Variants in GUCY1A2 observed in about 807,000 individuals in gnomAD.
GUCY1A2 encodes guanylate cyclase soluble subunit alpha-2.
A neutral mutation model predicts 63.5 loss-of-function variants in GUCY1A2; 27 were observed. The ratio of observed to expected loss-of-function variants is 0.43; its 90% CI spans 0.31 to 0.59. GUCY1A2 has a LOEUF of 0.59. GUCY1A2 is among the 20% of genes least tolerant of loss of function. The probability of loss-of-function intolerance (pLI) is 0.11; values close to 1 mark genes in which losing one functional copy is unlikely to be tolerated. For missense variants in GUCY1A2, 768 were observed against 913.3 expected (o/e 0.84, Z 2.05); for synonymous variants, 364 against 343.5 (o/e 1.06, Z -0.66).
rs142696188 is a variant in GUCY1A2 at position 106,863,920 on chromosome 11, A to G, written c.1207-53442T>C. Among the ~76,000 whole-genome samples, 80 of 152,102 alleles carry G rather than the reference A, an allele frequency of 5.3e-4. 1 individual carries two copies. The East Asian group carries it at 0.013, about 25-fold the overall frequency. ...AATTGTGAATGGGAGTTCACTCATG[A>G]TTTGGCTGTCTATTACTGGTATATA... On this transcript the variant is annotated intron_variant, in intron 4 of 7. Coordinates refer to ENST00000526355, the MANE Select transcript of GUCY1A2 (RefSeq NM_000855.3).
At chr11:106,714,549 A>C (rs1462744273) in intron 6 of GUCY1A2, among the ~76,000 whole-genome samples, 1 of 152,200 alleles carries the variant, frequency 6.6e-6, no homozygotes, top group Admixed American at 6.5e-5. Flanking sequence ...ACTATCAATG[A>C]GGGCTTTACA....
At chr11:106,818,892 C>T (rs11211933) in intron 4 of GUCY1A2, among the ~76,000 whole-genome samples, 25,231 of 152,074 alleles carry the variant, frequency 0.17, 2,448 homozygotes, top group East Asian at 0.28. Context: ...GGCCTTAGAT[C>T]TCTAATTCTA....
At chr11:106,886,650 T>A (rs1859904320) in intron 4 of GUCY1A2, among the ~76,000 whole-genome samples, 1 of 152,158 alleles carries the variant, frequency 6.6e-6, no homozygotes, top group Non-Finnish European at 1.5e-5. Context: ...TTTGTTCATG[T>A]TTAATTTGAA....
chr11:106,722,772 C>CAAAG, intron 6 of GUCY1A2, among the ~76,000 whole-genome samples: 1 of 140,854 alleles, frequency 7.1e-6, no homozygotes, highest in East Asian at 2.0e-4. Context: ...AAATAGTCAT[C>CAAAG]AAAGACCAGT....
At chr11:106,992,279 C>G (rs558704517) in intron 1 of GUCY1A2, among the ~76,000 whole-genome samples, 51 of 150,836 alleles carry the variant, frequency 3.4e-4, no homozygotes, top group African/African-American at 1.2e-3. Flanking sequence ...TGTTCACCCT[C>G]ACGTGACGAA....
At chr11:107,007,794 T>A (rs558441016) in intron 1 of GUCY1A2, among the ~76,000 whole-genome samples, 2 of 152,230 alleles carry the variant, frequency 1.3e-5, no homozygotes, top group South Asian at 4.1e-4. Context: ...GTTTGTAGAA[T>A]TGTATTTAAT....
chr11:106,781,816 C>A (rs1410281580), intron 5 of GUCY1A2, among the ~76,000 whole-genome samples: 3 of 152,012 alleles, frequency 2.0e-5, no homozygotes, highest in Non-Finnish European at 2.9e-5. Context: ...GATTTGTGCA[C>A]CTCAGCCTCC....
chr11:106,903,705 G>C (rs1366118575), intron 4 of GUCY1A2, among the ~76,000 whole-genome samples: 1 of 152,158 alleles, frequency 6.6e-6, no homozygotes, highest in Non-Finnish European at 1.5e-5. Context: ...CAAGGGCAGG[G>C]AAGATGATAG....
intron 6 of GUCY1A2, among the ~76,000 whole-genome samples, chr11:106,710,826 C>G (rs896663705): frequency 6.6e-6 from 1 of 151,838 alleles, no homozygotes. Flanking sequence ...AGGGAGGAAA[C>G]CTGACCCCTA....
At chr11:107,004,063 T>C in intron 1 of GUCY1A2, among the ~76,000 whole-genome samples, 1 of 152,068 alleles carries the variant, frequency 6.6e-6, no homozygotes, top group Non-Finnish European at 1.5e-5. Flanking sequence ...GCAAGGCCCC[T>C]CTCCTCAGGC....
chr11:106,939,429 C>T, intron 4 of GUCY1A2, 31 bp downstream of exon 4: 1 of 1,061,900 alleles, frequency 9.4e-7, no homozygotes, highest in Non-Finnish European at 1.4e-6. Context: ...TCTTCTAGTT[C>T]CCATCACCAT....
At chr11:106,696,691 T>A (rs575299682) in intron 7 of GUCY1A2, among the ~76,000 whole-genome samples, 222 of 152,238 alleles carry the variant, frequency 1.5e-3, no homozygotes, top group Admixed American at 3.1e-3. Flanking sequence ...AGGAAAATAT[T>A]TGGAGGCTAA....
chr11:106,862,829 A>C (rs1335145068), intron 4 of GUCY1A2, among the ~76,000 whole-genome samples: 1 of 152,080 alleles, frequency 6.6e-6, no homozygotes, highest in Non-Finnish European at 1.5e-5. Context: ...ATTAGGACAA[A>C]AATCCTGGGA....
At position 106,938,351 on chromosome 11, in the gene GUCY1A2, C is replaced by T. The variant is rs561492397; in HGVS notation, c.1206+1109G>A. Among the ~76,000 whole-genome samples the T allele has an allele frequency of 3.7e-4, 56 of 152,246 alleles. No individual in the cohort carries two copies. In the South Asian group the frequency reaches 4.1e-3, roughly 11 times the overall value. On this transcript the variant is annotated intron_variant, in intron 4 of 7. Coordinates refer to ENST00000526355, the MANE Select transcript of GUCY1A2 (RefSeq NM_000855.3). The stretch of plus-strand genomic sequence containing the variant: ...ATAAAATCCTCAAAAACAAGTTAAG[C>T]GCTGCTTTCAGAGGGCTATTTCCTC...
chr11:106,871,961 T>A lies in GUCY1A2; in HGVS notation c.1207-61483A>T, dbSNP rs138413662. 3.3e-3 allele frequency among the ~76,000 whole-genome samples: 497 copies of A among 152,352 alleles called. 1 individual carries two copies. Among genetic ancestry groups the A allele is most frequent in the Non-Finnish European group, 6.1e-3 (418 of 68,032 alleles). ...ATTCTGCATATTACCAGCCTTGACG[T>A]GTGTTCTATAGTGCTCTGCTGTAGA... On this transcript the variant is annotated intron_variant, in intron 4 of 7. Coordinates refer to ENST00000526355, the MANE Select transcript of GUCY1A2 (RefSeq NM_000855.3).
At chr11:106,945,581 T>C (rs942966469) in intron 3 of GUCY1A2, among the ~76,000 whole-genome samples, 1 of 152,202 alleles carries the variant, frequency 6.6e-6, no homozygotes, top group African/African-American at 2.4e-5. Context: ...TGTACATACA[T>C]ACAAATGTCC....
At chr11:106,829,347 C>G (rs1054131401) in intron 4 of GUCY1A2, among the ~76,000 whole-genome samples, 4 of 152,080 alleles carry the variant, frequency 2.6e-5, no homozygotes, top group Non-Finnish European at 4.4e-5. Context: ...TCTTTCCATA[C>G]ATGGTGTGGA....
At chr11:106,796,619 T>A (rs932662894) in intron 5 of GUCY1A2, among the ~76,000 whole-genome samples, 2 of 152,206 alleles carry the variant, frequency 1.3e-5, no homozygotes, top group African/African-American at 2.4e-5. Context: ...CTCTTCTGGC[T>A]TATAGAGTTT....
intron 5 of GUCY1A2, among the ~76,000 whole-genome samples, chr11:106,792,255 G>T (rs1341634121): frequency 6.6e-6 from 1 of 151,922 alleles, no homozygotes; most frequent in African/African-American, 2.4e-5. Flanking sequence ...GCTCAGTGGT[G>T]GGTGCCTGTA....
Sources: gnomAD v4.1 joint callset for allele counts (sites outside exome capture counted in the v4.1 genomes callset) on GRCh38, gnomAD v4.1.1 for gene constraint, MANE v1.5 for transcripts, NCBI Gene and HGNC (gene_info 2026-07-23, HGNC 2026-07-21) for gene names.